DPP10: variants seen among roughly 807,000 people sequenced by gnomAD.
DPP10 encodes dipeptidyl peptidase like 10.
A neutral mutation model predicts 120.9 loss-of-function variants in DPP10; 33 were observed. The observed-to-expected ratio is 0.27, with a 90% CI of 0.21 to 0.37. The LOEUF is 0.37. Ranked by LOEUF, DPP10 falls within the 10% of genes least tolerant of loss-of-function variation. The pLI is 1.00. For missense variants in DPP10, 816 were observed against 942.8 expected, an observed-to-expected ratio of 0.87 and a Z score of 1.76; for synonymous variants, 337 against 326.1, an observed-to-expected ratio of 1.03 and a Z score of -0.36.
In DPP10 at chr2:115,727,811, T is replaced by G. The variant is rs2092802224; in HGVS notation, c.577-5T>G. ...TTTTTGTTTGTTTCACATTTCCTGA[T>G]CCAGATTTATATTTTTGAAAATAAT... is the stretch of plus-strand genomic sequence containing the variant. On this transcript the variant is annotated splice_region_variant and splice_polypyrimidine_tract_variant and intron_variant, in intron 7 of 25. Transcript: ENST00000410059. 6.3e-7 allele frequency: 1 copy of G among 1,580,160 alleles called. No homozygotes were observed. Among genetic ancestry groups the G allele is most frequent in the Admixed American group, 1.9e-5 (1 of 51,750 alleles).
intron 1 of DPP10, among the ~76,000 whole-genome samples, chr2:114,506,784 G>T (rs889271475): frequency 1.3e-5 from 2 of 152,194 alleles, no homozygotes; most frequent in Non-Finnish European, 2.9e-5. Context: ...AGCCTGTGAA[G>T]GCATCAGGGA....
At chr2:115,807,013 A>G (rs1000903063) in intron 19 of DPP10, among the ~76,000 whole-genome samples, 4 of 152,118 alleles carry the variant, frequency 2.6e-5, no homozygotes, top group African/African-American at 9.7e-5. Context: ...TTTAACCATG[A>G]ATAATTTAGG....
At chr2:115,565,339 G>A (rs915732593) in intron 5 of DPP10, among the ~76,000 whole-genome samples, 1 of 151,994 alleles carries the variant, frequency 6.6e-6, no homozygotes, top group Admixed American at 6.6e-5. Context: ...TTAATATATA[G>A]CTATTTTTTC....
intron 1 of DPP10, among the ~76,000 whole-genome samples, chr2:114,465,751 G>A (rs1679310601): frequency 6.6e-6 from 1 of 152,306 alleles, no homozygotes; most frequent in Admixed American, 6.5e-5. Flanking sequence ...GGAGCACAGT[G>A]TGATATTCTG....
At chr2:114,577,194 T>C (rs1690122150) in intron 1 of DPP10, among the ~76,000 whole-genome samples, 2 of 152,248 alleles carry the variant, frequency 1.3e-5, no homozygotes, top group Non-Finnish European at 2.9e-5. Context: ...TGGTGATGTA[T>C]ATTACTTTAT....
chr2:115,455,613 A>G (rs2073463193), intron 3 of DPP10, among the ~76,000 whole-genome samples: 1 of 152,120 alleles, frequency 6.6e-6, no homozygotes, highest in Non-Finnish European at 1.5e-5. Context: ...TGGTACCAAA[A>G]CAGATATATA....
intron 1 of DPP10, among the ~76,000 whole-genome samples, chr2:114,660,187 G>T (rs1697290320): frequency 1.3e-5 from 2 of 152,178 alleles, no homozygotes; most frequent in Admixed American, 1.3e-4. Context: ...GGGCTATATC[G>T]TGTTTCCTGC....
chr2:114,987,464 C>T (rs1401568088), intron 1 of DPP10, among the ~76,000 whole-genome samples: 1 of 151,956 alleles, frequency 6.6e-6, no homozygotes, highest in Non-Finnish European at 1.5e-5. Flanking sequence ...ATTTTTCTAT[C>T]CTCTCTTCTT....
At chr2:115,017,042 C>T (rs1385660987) in intron 1 of DPP10, among the ~76,000 whole-genome samples, 4 of 126,448 alleles carry the variant, frequency 3.2e-5, no homozygotes, top group African/African-American at 1.2e-4. Flanking sequence ...GAACATCACA[C>T]TCTGGGGACT....
At chr2:115,601,959 G>A (rs1447963149) in intron 5 of DPP10, among the ~76,000 whole-genome samples, 5 of 152,074 alleles carry the variant, frequency 3.3e-5, no homozygotes, top group Non-Finnish European at 2.9e-5. Flanking sequence ...GGGATTACAG[G>A]TGTGAGCCAC....
chr2:115,605,352 T>G (rs10206178), intron 5 of DPP10, among the ~76,000 whole-genome samples: 3 of 152,104 alleles, frequency 2.0e-5, no homozygotes, highest in African/African-American at 7.2e-5. Context: ...AAGATCAAAA[T>G]TTTAAACTCT....
At chr2:115,549,668 A>C (rs1407175189) in intron 5 of DPP10, among the ~76,000 whole-genome samples, 2 of 152,094 alleles carry the variant, frequency 1.3e-5, no homozygotes, top group Admixed American at 1.3e-4. Flanking sequence ...CTTCCTCTCT[A>C]GTCCATTCTC....
chr2:114,903,021 G>A (rs1574455742), intron 1 of DPP10, among the ~76,000 whole-genome samples: 1 of 151,968 alleles, frequency 6.6e-6, no homozygotes, highest in East Asian at 1.9e-4. Context: ...TTTTGCCTTT[G>A]CCAGAATGTT....
At chr2:115,216,228 A>G (rs952287323) in intron 1 of DPP10, among the ~76,000 whole-genome samples, 16 of 152,280 alleles carry the variant, frequency 1.1e-4, no homozygotes, top group African/African-American at 3.4e-4. Flanking sequence ...TGATGGTTAC[A>G]CTAAAAGCCC....
chr2:115,747,569 C>T lies in DPP10; in HGVS notation c.950+1386C>T, dbSNP rs1041331793. On this transcript the variant is annotated intron_variant, in intron 10 of 25. Transcript: ENST00000410059. ...TGTCTCATTGGATAAATCACTTTAC[C>T]TCTCTCAGGGCTGAATCCCCTTGTC... is the stretch of plus-strand genomic sequence containing the variant. Among the ~76,000 whole-genome samples, 7 of 150,328 alleles carry T rather than the reference C, an allele frequency of 4.7e-5. No individual in the cohort carries two copies. In the South Asian group the frequency reaches 6.3e-4, roughly 14 times the overall value.
intron 1 of DPP10, among the ~76,000 whole-genome samples, chr2:115,020,374 CA>C (rs776676400): frequency 6.6e-6 from 1 of 151,990 alleles, no homozygotes; most frequent in Non-Finnish European, 1.5e-5. Context: ...TTATATCAGA[CA>C]AAACAAACTT....
intron 1 of DPP10, among the ~76,000 whole-genome samples, chr2:115,306,150 G>C (rs2061350073): frequency 6.6e-6 from 1 of 152,042 alleles, no homozygotes; most frequent in African/African-American, 2.4e-5. Context: ...TAGCTCTCAA[G>C]TAGCGGAGTT....
At chr2:114,959,865 T>C (rs1444377742) in intron 1 of DPP10, among the ~76,000 whole-genome samples, 7 of 152,250 alleles carry the variant, frequency 4.6e-5, no homozygotes, top group Non-Finnish European at 2.9e-5. Flanking sequence ...TTCATTTATC[T>C]TTGTTGTAGA....
chr2:115,149,364 C>T (rs1157286025), intron 1 of DPP10, among the ~76,000 whole-genome samples: 8 of 152,038 alleles, frequency 5.3e-5, no homozygotes, highest in Non-Finnish European at 5.9e-5. Flanking sequence ...ATTTGGTTAC[C>T]CAGGGGCATA....
Sources: allele counts gnomAD v4.1 joint callset (sites outside exome capture counted in the v4.1 genomes callset), GRCh38; gene constraint gnomAD v4.1.1; transcripts MANE v1.5; gene names NCBI Gene and HGNC (gene_info 2026-07-23, HGNC 2026-07-21).